IQGAP2: variants seen among roughly 807,000 people sequenced by gnomAD.
IQGAP2 encodes the protein IQ motif containing GTPase activating protein 2.
In IQGAP2, 173 loss-of-function variants were observed where a neutral mutation model predicts 201.3. The ratio of observed to expected loss-of-function variants is 0.86; its 90% CI spans 0.76 to 0.98. IQGAP2 has a LOEUF of 0.98. IQGAP2 is among the 50% of genes least tolerant of loss of function. IQGAP2 has a pLI of 0.00. For synonymous variants in IQGAP2, 675 were observed against 673.9 expected (o/e 1.00, Z -0.03); for missense variants, 1,687 against 1,864.8 (o/e 0.90, Z 1.76).
At chr5:76,644,544 C>T (rs1423662198) in intron 17 of IQGAP2, among the ~76,000 whole-genome samples, 2 of 151,976 alleles carry the variant, frequency 1.3e-5, no homozygotes, top group African/African-American at 4.8e-5. Flanking sequence ...GAGTGATCTG[C>T]CTGCCTCGGC....
intron 2 of IQGAP2, among the ~76,000 whole-genome samples, chr5:76,543,754 GC>G (rs1742926754): frequency 2.0e-5 from 3 of 152,086 alleles, no homozygotes; most frequent in Admixed American, 6.6e-5. Context: ...GCTTCATCTT[GC>G]CCCTCCCTCC....
chr5:76,496,781 C>CT (rs1429560236), intron 2 of IQGAP2, among the ~76,000 whole-genome samples: 1 of 91,496 alleles, frequency 1.1e-5, no homozygotes, highest in African/African-American at 5.5e-5. Context: ...TTCTTTCTTT[C>CT]TTTCTTTCTT....
intron 1 of IQGAP2, among the ~76,000 whole-genome samples, chr5:76,408,766 C>G (rs1750935861): frequency 6.6e-6 from 1 of 151,940 alleles, no homozygotes. Context: ...GCCTGCCCCC[C>G]ACCCAACCCA....
chr5:76,655,192 G>A (rs1752814366), intron 20 of IQGAP2, among the ~76,000 whole-genome samples, 189 bp downstream of exon 20: 1 of 152,048 alleles, frequency 6.6e-6, no homozygotes, highest in African/African-American at 2.4e-5. Context: ...AAAGGAAATG[G>A]GCCTTCCTAT....
chr5:76,701,490 G>T (rs1025369376), intron 34 of IQGAP2, among the ~76,000 whole-genome samples: 1 of 152,312 alleles, frequency 6.6e-6, no homozygotes, highest in Non-Finnish European at 1.5e-5. Flanking sequence ...AGAGTAAAAG[G>T]CTGTCTTTTG....
intron 2 of IQGAP2, among the ~76,000 whole-genome samples, chr5:76,506,597 A>T (rs1757618143): frequency 6.6e-6 from 1 of 152,240 alleles, no homozygotes; most frequent in Non-Finnish European, 1.5e-5. Context: ...TTTCTAACTT[A>T]TTGTCTCAAG....
chr5:76,677,904 C>T (rs562625876), intron 28 of IQGAP2, among the ~76,000 whole-genome samples: 97 of 151,992 alleles, frequency 6.4e-4, no homozygotes, highest in Non-Finnish European at 1.1e-3. Context: ...GCACTCCAGC[C>T]GGGGCAACAG....
At chr5:76,563,262 A>G (rs13183495) in intron 3 of IQGAP2, among the ~76,000 whole-genome samples, 2 of 152,230 alleles carry the variant, frequency 1.3e-5, no homozygotes, top group Non-Finnish European at 2.9e-5. Flanking sequence ...AGAAAGATCA[A>G]CAATAAAAAC....
chr5:76,531,876 A>G (rs1759314049), intron 2 of IQGAP2, among the ~76,000 whole-genome samples: 1 of 152,208 alleles, frequency 6.6e-6, no homozygotes, highest in African/African-American at 2.4e-5. Flanking sequence ...CTCACAATTC[A>G]GGAGACTGGG....
intron 30 of IQGAP2, among the ~76,000 whole-genome samples, chr5:76,686,009 C>A (rs934574758): frequency 6.6e-6 from 1 of 152,164 alleles, no homozygotes; most frequent in Non-Finnish European, 1.5e-5. Context: ...GATATGAAGT[C>A]GTATCTCACT....
At chr5:76,588,612 CTG>C (rs1199282485) in intron 5 of IQGAP2, among the ~76,000 whole-genome samples, 1 of 152,110 alleles carries the variant, frequency 6.6e-6, no homozygotes, top group African/African-American at 2.4e-5. Context: ...TTTGTATTAG[CTG>C]TGTTTCTTGT....
chr5:76,562,305 T>A, intron 2 of IQGAP2, 91 bp from the exon 3 acceptor site: 1 of 922,870 alleles, frequency 1.1e-6, no homozygotes, highest in Non-Finnish European at 1.7e-6. Context: ...TTCCTTTGTC[T>A]CCAACACACA....
At chr5:76,430,888 G>A (rs1172520923) in intron 1 of IQGAP2, among the ~76,000 whole-genome samples, 1 of 152,130 alleles carries the variant, frequency 6.6e-6, no homozygotes, top group Non-Finnish European at 1.5e-5. Context: ...TAAATGCCTA[G>A]CAATTGGGGA....
At chr5:76,533,077 A>T (rs1412148868) in intron 2 of IQGAP2, among the ~76,000 whole-genome samples, 1 of 152,146 alleles carries the variant, frequency 6.6e-6, no homozygotes, top group Non-Finnish European at 1.5e-5. Context: ...TTCCAAAGAA[A>T]TCCTCCCTCA....
At chr5:76,638,936 G>C (rs1751356546) in intron 16 of IQGAP2, among the ~76,000 whole-genome samples, 1 of 152,140 alleles carries the variant, frequency 6.6e-6, no homozygotes, top group Admixed American at 6.5e-5. Context: ...TAAAGTCAGA[G>C]GAATGTGAAA....
At chr5:76,558,970 G>A (rs181863515) in intron 2 of IQGAP2, among the ~76,000 whole-genome samples, 2 of 151,896 alleles carry the variant, frequency 1.3e-5, no homozygotes, top group South Asian at 2.1e-4. Context: ...GCGCGATCTC[G>A]GCTCACTGCA....
At chr5:76,646,684 G>C (rs1050944223) in intron 17 of IQGAP2, among the ~76,000 whole-genome samples, 49 of 152,204 alleles carry the variant, frequency 3.2e-4, no homozygotes, top group African/African-American at 1.1e-3. Context: ...ACTCATTCCT[G>C]TGTTTTTAAA....
At chr5:76,506,194 T>C (rs1757597024) in intron 2 of IQGAP2, among the ~76,000 whole-genome samples, 1 of 152,182 alleles carries the variant, frequency 6.6e-6, no homozygotes, top group South Asian at 2.1e-4. Flanking sequence ...GATCCATTCG[T>C]AGGTCAAACA....
chr5:76,654,119 C>A, intron 18 of IQGAP2, 81 bp from the exon 19 acceptor site: 3 of 900,656 alleles, frequency 3.3e-6, no homozygotes, highest in Admixed American at 2.3e-5. Context: ...TACACAAAAC[C>A]GTATTACGGG....
Sources: allele counts gnomAD v4.1 joint callset (sites outside exome capture counted in the v4.1 genomes callset), GRCh38; gene constraint gnomAD v4.1.1; transcripts MANE v1.5; gene names NCBI Gene and HGNC (gene_info 2026-07-23, HGNC 2026-07-21).